RAB9A: variants seen among roughly 807,000 people sequenced by gnomAD.
The protein encoded by RAB9A is ras-related protein Rab-9A.
In RAB9A, 1 loss-of-function variant was observed where a neutral mutation model predicts 10.3. The observed-to-expected ratio is 0.10, with a 90% CI of 0.03 to 0.46. The LOEUF is 0.46. Among genes scored for constraint, RAB9A ranks in the 20% least tolerant of loss-of-function variants. The pLI is 0.96. For synonymous variants in RAB9A, 39 were observed against 55.2 expected, an observed-to-expected ratio of 0.71 and a Z score of 1.30; for missense variants, 92 against 150.3, an observed-to-expected ratio of 0.61 and a Z score of 2.03.
At position 13,709,770 on chromosome X, in the gene RAB9A, A is replaced by G. The variant is rs1184905858; in HGVS notation, c.*418A>G. Reference sequence around the variant, plus strand: ...CATTGTATTCTTGGTTCAGGGAAATACTTTCCTAAAGCAATAATGTTAGAT... The same window carrying G: ...CATTGTATTCTTGGTTCAGGGAAATGCTTTCCTAAAGCAATAATGTTAGAT... On this transcript the variant is annotated 3_prime_UTR_variant, in exon 3 of 3. Transcript: ENST00000464506. 2 of 125,008 alleles carry G rather than the reference A, an allele frequency of 1.6e-5. No homozygotes were observed. Among genetic ancestry groups the G allele is most frequent in the African/African-American group, 6.5e-5 (2 of 30,962 alleles). 10.3% of individuals were successfully genotyped at this position (125,008 alleles called of 1,213,427 possible). A position where few individuals can be genotyped will look rare whatever the true frequency, so the allele number is the denominator to read the frequency against.
chrX:13,693,393 T>G (rs969363996), intron 1 of RAB9A, among the ~76,000 whole-genome samples: 13 of 111,965 alleles, frequency 1.2e-4, no homozygotes, highest in Non-Finnish European at 2.1e-4. Flanking sequence ...TCAGGGAGTT[T>G]GGTGGAAAGC....
chrX:13,692,433 TGTACG>T (rs1433255336), intron 1 of RAB9A, among the ~76,000 whole-genome samples: 1 of 112,684 alleles, frequency 8.9e-6, no homozygotes, highest in Non-Finnish European at 1.9e-5. Context: ...GTTATAGTTT[TGTACG>T]GTTAACCACG....
intron 1 of RAB9A, among the ~76,000 whole-genome samples, chrX:13,690,238 C>A (rs1263261398): frequency 8.9e-6 from 1 of 112,108 alleles, no homozygotes; most frequent in Non-Finnish European, 1.9e-5. Flanking sequence ...AAACCTGGAA[C>A]GATTCAGTTA....
At chrX:13,696,964 C>T (rs762659315) in intron 1 of RAB9A, among the ~76,000 whole-genome samples, 11 of 111,964 alleles carry the variant, frequency 9.8e-5, no homozygotes, top group Admixed American at 5.6e-4. Context: ...GACAACTTCC[C>T]TGCAGAGTGG....
Position 13,710,366 on chromosome X carries a change from G to A in RAB9A, c.*1014G>A, listed in dbSNP as rs992041966. ...AGGGTAAACGAAGACATCTTTATTC[G>A]GCAATGTATTTACTTAGTGTCTTCT... On this transcript the variant is annotated 3_prime_UTR_variant, in exon 3 of 3. Transcript: ENST00000464506. 8.1e-6 allele frequency: 1 copy of A among 123,556 alleles called. No individual in the cohort carries two copies. The highest frequency in any genetic ancestry group is 3.2e-5 in the African/African-American group (1 of 30,880). 10.2% of individuals were successfully genotyped at this position (123,556 alleles called of 1,213,427 possible). A position where few individuals can be genotyped will look rare whatever the true frequency, so the allele number is the denominator to read the frequency against.
chrX:13,700,622 T>C (rs952617234), intron 1 of RAB9A, among the ~76,000 whole-genome samples: 1 of 111,580 alleles, frequency 9.0e-6, no homozygotes, highest in African/African-American at 3.3e-5. Context: ...AATCCTAAAG[T>C]AGTGTCTGTT....
At chrX:13,702,255 C>T (rs752581154) in intron 1 of RAB9A, among the ~76,000 whole-genome samples, 9 of 111,357 alleles carry the variant, frequency 8.1e-5, no homozygotes, top group Admixed American at 4.8e-4. Flanking sequence ...TTCCTGCTCC[C>T]TCCTCTTTTC....
chrX:13,708,345 A>G (rs1281126802), intron 2 of RAB9A, among the ~76,000 whole-genome samples: 2 of 109,149 alleles, frequency 1.8e-5, no homozygotes, highest in African/African-American at 6.7e-5. Flanking sequence ...AACCAAAACA[A>G]CAACAACAAC....
intron 1 of RAB9A, among the ~76,000 whole-genome samples, chrX:13,691,721 TTGTTG>T (rs1411698947): frequency 1.8e-5 from 2 of 109,080 alleles, no homozygotes; most frequent in Non-Finnish European, 3.8e-5. Context: ...AATCTGTTTT[TTGTTG>T]TAAGGCAAAA....
intron 1 of RAB9A, among the ~76,000 whole-genome samples, chrX:13,699,282 T>C (rs952426655): frequency 8.9e-6 from 1 of 112,146 alleles, no homozygotes; most frequent in African/African-American, 3.2e-5. Context: ...GGAGAACTGA[T>C]AGAGAAACAA....
chrX:13,694,807 T>C (rs2046140612), intron 1 of RAB9A, among the ~76,000 whole-genome samples: 1 of 111,818 alleles, frequency 8.9e-6, no homozygotes, highest in African/African-American at 3.3e-5. Context: ...CCATCCCCCC[T>C]TCCAGTATCT....
chrX:13,692,541 C>T (rs1342540103), intron 1 of RAB9A, among the ~76,000 whole-genome samples: 5 of 111,355 alleles, frequency 4.5e-5, no homozygotes, highest in Non-Finnish European at 7.5e-5. Context: ...ATAGTTATGC[C>T]TGCATTTTAT....
intron 2 of RAB9A, among the ~76,000 whole-genome samples, chrX:13,708,427 T>C (rs983894719): frequency 2.7e-5 from 3 of 111,239 alleles, no homozygotes; most frequent in Non-Finnish European, 5.7e-5. Flanking sequence ...GAGGGGCTTA[T>C]CATAGAGTAA....
At chrX:13,708,304 C>T (rs771781716) in intron 2 of RAB9A, among the ~76,000 whole-genome samples, 62 of 95,442 alleles carry the variant, frequency 6.5e-4, no homozygotes, top group Non-Finnish European at 1.1e-3. Flanking sequence ...ACCTGGGTGA[C>T]AGCGAGATCC....
At chrX:13,697,670 CAG>C (rs1365901109) in intron 1 of RAB9A, among the ~76,000 whole-genome samples, 2 of 111,955 alleles carry the variant, frequency 1.8e-5, no homozygotes, top group Non-Finnish European at 3.8e-5. Context: ...CTGCTAAAGA[CAG>C]AAACTCTTGA....
intron 1 of RAB9A, among the ~76,000 whole-genome samples, chrX:13,694,869 G>A (rs919143801): frequency 8.9e-6 from 1 of 111,864 alleles, no homozygotes; most frequent in Non-Finnish European, 1.9e-5. Flanking sequence ...GCAGTTTTGG[G>A]ATGCTACCCT....
rs758730971 is a variant in RAB9A at position 13,709,321 on chromosome X, G to A, written c.575G>A (p.Arg192Gln). The change falls in exon 3 of 3, where the codon CGA becomes CAA. Residue 192 changes from arginine (R) to glutamine (Q), a missense_variant. Physicochemically the swap from Arg to Gln is conservative, Grantham distance 43. Transcript: ENST00000464506. ...LIQTDTVNLH[R>Q]KPKPSSSCC is the part of the protein sequence containing the mutation. ...CAGACAGACACAGTCAATCTTCACC[G>A]AAAGCCCAAGCCTAGCTCATCTTGC... 3.3e-6 allele frequency: 4 copies of A among 1,205,405 alleles called. No homozygotes were observed. Among genetic ancestry groups the A allele is most frequent in the South Asian group, 1.8e-5 (1 of 56,166 alleles).
chrX:13,705,069 C>A (rs893212550), intron 2 of RAB9A, among the ~76,000 whole-genome samples: 1 of 111,544 alleles, frequency 9.0e-6, no homozygotes, highest in Non-Finnish European at 1.9e-5. Context: ...TAGTAGGATC[C>A]CTTTATTTAT....
In RAB9A at chrX:13,707,325, G is replaced by A. The variant is rs1034408149; in HGVS notation, c.-26-1396G>A. 2.9e-4 allele frequency among the ~76,000 whole-genome samples: 32 copies of A among 112,004 alleles called. 1 individual carries two copies. The highest frequency in any genetic ancestry group is 9.1e-4 in the African/African-American group (28 of 30,889). ...CAGATTAAATGATATAATCTGATTCGAAATAACTGGGGAGAAGGGAGAGTT... is the reference window on the plus strand; with the variant it reads ...CAGATTAAATGATATAATCTGATTCAAAATAACTGGGGAGAAGGGAGAGTT... On this transcript the variant is annotated intron_variant, in intron 2 of 2. Coordinates refer to ENST00000464506, the MANE Select transcript of RAB9A (RefSeq NM_004251.5).
Sources: allele counts gnomAD v4.1 joint callset (sites outside exome capture counted in the v4.1 genomes callset), GRCh38; gene constraint gnomAD v4.1.1; transcripts MANE v1.5; gene names NCBI Gene and HGNC (gene_info 2026-07-23, HGNC 2026-07-21).